Variants in DOCK4 observed in about 807,000 individuals in gnomAD.
DOCK4 encodes the protein dedicator of cytokinesis 4, also known as dedicator of cytokinesis protein 4.
In DOCK4, 97 loss-of-function variants were observed where a neutral mutation model predicts 268.1. The ratio of observed to expected loss-of-function variants is 0.36; its 90% CI spans 0.31 to 0.43. DOCK4 has a LOEUF of 0.43. Ranked by LOEUF, DOCK4 falls within the 20% of genes least tolerant of loss-of-function variation. DOCK4 has a pLI of 1.00. For missense variants in DOCK4, 2,145 were observed against 2,455.7 expected (o/e 0.87, Z 2.67); for synonymous variants, 954 against 887.2 (o/e 1.08, Z -1.34).
At chr7:112,206,077 A>T (rs1427958804) in intron 1 of DOCK4, 25 bp downstream of exon 1, 1 of 1,568,770 alleles carries the variant, frequency 6.4e-7, no homozygotes, top group East Asian at 2.4e-5. Context: ...AGAGCAGAAT[A>T]AAAGTTCGCC....
In DOCK4 at chr7:111,767,057, T is replaced by G; in HGVS notation, c.3890A>C (p.Asp1297Ala). ...KIAEQYESYY[D>A]YRNLSKMRMM... ...CCGCATCTTGCTCAGGTTTCTGTAGTCATAATAACTCTCATACTGCTCTGC... is the reference window on the plus strand; with the variant it reads ...CCGCATCTTGCTCAGGTTTCTGTAGGCATAATAACTCTCATACTGCTCTGC... Residue 1297 changes from aspartate (D) to alanine (A), a missense_variant, in exon 38 of 53, where the codon GAC (aspartate) becomes GCC (alanine). Asp to Ala is a moderately radical substitution (Grantham distance 126, BLOSUM62 -2). Transcript: ENST00000428084. The G allele has an allele frequency of 6.2e-7, 1 of 1,613,710 alleles. No homozygotes were observed.
intron 16 of DOCK4, among the ~76,000 whole-genome samples, chr7:111,884,351 G>T (rs529794905): frequency 1.1e-4 from 17 of 152,098 alleles, no homozygotes; most frequent in African/African-American, 4.1e-4. Context: ...TATGTGATTT[G>T]CCCAATGTCA....
At chr7:112,156,326 A>G (rs1816609564) in intron 1 of DOCK4, among the ~76,000 whole-genome samples, 1 of 152,246 alleles carries the variant, frequency 6.6e-6, no homozygotes, top group South Asian at 2.1e-4. Flanking sequence ...ATTATGAGAT[A>G]TAATTTCATG....
chr7:111,905,683 ATGTGTGTGTGTG>A, intron 13 of DOCK4, among the ~76,000 whole-genome samples: 3 of 147,724 alleles, frequency 2.0e-5, no homozygotes, highest in African/African-American at 7.4e-5. Context: ...ATATGCATGT[ATGTGTGTGTGTG>A]TGTGTGTGTG....
intron 39 of DOCK4, among the ~76,000 whole-genome samples, chr7:111,761,106 G>T (rs1338462448): frequency 6.6e-6 from 1 of 150,464 alleles, no homozygotes; most frequent in Non-Finnish European, 1.5e-5. Flanking sequence ...TGTTGCCCTG[G>T]CTGGCATGCA....
rs192422972 is a variant in DOCK4 at position 112,052,444 on chromosome 7, C to T, written c.38-48313G>A. On this transcript the variant is annotated intron_variant, in intron 1 of 52. Coordinates refer to ENST00000428084, the MANE Select transcript of DOCK4 (RefSeq NM_001363540.2). ...TTGGAGTTTCATTGAATATTCTTTC[C>T]TGTTTCCCCTTCTTCCCCCCCTCAC... is the stretch of plus-strand genomic sequence containing the variant. Among the ~76,000 whole-genome samples the T allele has an allele frequency of 1.5e-4, 23 of 152,150 alleles. No homozygotes were observed. In the East Asian group the frequency reaches 3.3e-3, roughly 22 times the overall value.
chr7:112,126,250 A>G (rs1477059355), intron 1 of DOCK4, among the ~76,000 whole-genome samples: 2 of 152,260 alleles, frequency 1.3e-5, no homozygotes, highest in Non-Finnish European at 2.9e-5. Context: ...CTGGGTGCAT[A>G]CCATAATCAA....
intron 1 of DOCK4, among the ~76,000 whole-genome samples, chr7:112,014,050 A>C (rs991213565): frequency 4.6e-5 from 7 of 152,224 alleles, no homozygotes; most frequent in Non-Finnish European, 1.5e-5. Context: ...TTATTTATTA[A>C]ATTAATATTT....
intron 34 of DOCK4, among the ~76,000 whole-genome samples, 199 bp downstream of exon 34, chr7:111,783,658 C>T (rs1018505262): frequency 6.6e-6 from 1 of 151,282 alleles, no homozygotes; most frequent in African/African-American, 2.4e-5. Flanking sequence ...CAAAACAAAG[C>T]AACAAAAAAC....
At chr7:111,770,933 C>G (rs1445112883) in intron 36 of DOCK4, among the ~76,000 whole-genome samples, 2 of 152,246 alleles carry the variant, frequency 1.3e-5, no homozygotes, top group Non-Finnish European at 2.9e-5. Flanking sequence ...GCCCCTATCA[C>G]AGGCACTGGT....
intron 1 of DOCK4, among the ~76,000 whole-genome samples, chr7:112,157,245 GGCCTCCAACA>G (rs1816699650): frequency 6.6e-6 from 1 of 152,018 alleles, no homozygotes; most frequent in African/African-American, 2.4e-5. Context: ...TATGTGTTTT[GGCCTCCAACA>G]GCCTGGCAAC....
In DOCK4 at chr7:111,940,160, A is replaced by G. The variant is rs769283688; in HGVS notation, c.927T>C (p.Ala309=). 1.3e-5 allele frequency: 21 copies of G among 1,613,930 alleles called. No individual in the cohort carries two copies. The highest frequency in any genetic ancestry group is 1.7e-5 in the Non-Finnish European group (20 of 1,179,900). ...CCTTTGTCTCTCCTGTTAGCAGGTC[A>G]GCGATGCTAAGAACTGCACAGCCAA... The part of the protein sequence containing the change: ...RPFGCAVLSI[A]DLLTGETKDD... The change falls in exon 11 of 53, where the codon GCT becomes GCC. Residue 309 remains alanine, a synonymous_variant. Transcript: ENST00000428084.
intron 26 of DOCK4, among the ~76,000 whole-genome samples, chr7:111,827,505 G>A (rs529783820): frequency 5.3e-5 from 8 of 152,172 alleles, no homozygotes; most frequent in Admixed American, 2.6e-4. Flanking sequence ...ATTATTGCAC[G>A]CTATCAGAGA....
At chr7:112,145,544 T>C (rs548334843) in intron 1 of DOCK4, among the ~76,000 whole-genome samples, 1 of 152,218 alleles carries the variant, frequency 6.6e-6, no homozygotes, top group Non-Finnish European at 1.5e-5. Context: ...AAGCTGGCTA[T>C]TCAGAGGATG....
intron 15 of DOCK4, among the ~76,000 whole-genome samples, chr7:111,898,866 G>T (rs1381096511): frequency 6.6e-6 from 1 of 152,116 alleles, no homozygotes; most frequent in Non-Finnish European, 1.5e-5. Context: ...ACTGAAAATA[G>T]CCTTTATTTT....
chr7:111,744,672 A>G (rs1338858176), intron 44 of DOCK4, among the ~76,000 whole-genome samples: 2 of 152,256 alleles, frequency 1.3e-5, no homozygotes, highest in Non-Finnish European at 2.9e-5. Flanking sequence ...GGTAAAACAC[A>G]GATCTTTAAA....
Position 111,847,213 on chromosome 7 carries a change from T to G in DOCK4, c.2474-87A>C, listed in dbSNP as rs1804177373. ...ATCCTTATCTACTTTTAATTCAATT[T>G]TGGTTGCTAAATTATTAACACATGT... On this transcript the variant is annotated intron_variant, in intron 23 of 52. Transcript: ENST00000428084. The G allele has an allele frequency of 1.4e-5, 22 of 1,528,320 alleles. No individual in the cohort carries two copies. The South Asian group carries it at 2.6e-4, about 18-fold the overall frequency. 94.7% of individuals were successfully genotyped at this position (1,528,320 alleles called of 1,614,324 possible). A position where few individuals can be genotyped will look rare whatever the true frequency, so the allele number is the denominator to read the frequency against.
chr7:111,962,877 T>C (rs1170321637), intron 8 of DOCK4, among the ~76,000 whole-genome samples: 4 of 152,216 alleles, frequency 2.6e-5, no homozygotes, highest in African/African-American at 9.6e-5. Context: ...AGACTTTTTG[T>C]ATTTAATCAT....
Position 112,046,696 on chromosome 7 carries a change from T to C in DOCK4, c.38-42565A>G, listed in dbSNP as rs541301243. ...ACAAACTGGATAATATATGAAACAA[T>C]GGTTTTTCAAGACAGCAGATTTCAG... On this transcript the variant is annotated intron_variant, in intron 1 of 52. Coordinates refer to ENST00000428084, the MANE Select transcript of DOCK4 (RefSeq NM_001363540.2). Among the ~76,000 whole-genome samples the C allele has an allele frequency of 2.6e-5, 4 of 152,194 alleles. No homozygotes were observed. In the South Asian group the frequency reaches 8.3e-4, roughly 32 times the overall value.
Sources: allele counts gnomAD v4.1 joint callset (sites outside exome capture counted in the v4.1 genomes callset), GRCh38; gene constraint gnomAD v4.1.1; transcripts MANE v1.5; gene names NCBI Gene and HGNC (gene_info 2026-07-23, HGNC 2026-07-21).